PKD1: variants seen among roughly 807,000 people sequenced by gnomAD.
The protein encoded by PKD1 is polycystin-1.
Under a neutral mutation model 361.7 loss-of-function variants are expected in PKD1, and 81 were observed. The observed-to-expected ratio is 0.22, with a 90% confidence interval of 0.19 to 0.27. The LOEUF (loss-of-function observed/expected upper bound fraction) is 0.27. Among genes scored for constraint, PKD1 ranks in the 10% least tolerant of loss-of-function variants. The probability of loss-of-function intolerance (pLI) is 1.00; values close to 1 mark genes in which losing one functional copy is unlikely to be tolerated. For missense variants in PKD1, 6,399 were observed against 6,118.3 expected, an observed-to-expected ratio of 1.05 and a Z score of -1.53; for synonymous variants, 3,615 against 2,818.3, an observed-to-expected ratio of 1.28 and a Z score of -8.95.
In PKD1 at chr16:2,090,897, AG is replaced by A; in HGVS notation, c.11989del (p.Leu3997CysfsTer42). 6.2e-7 allele frequency: 1 copy of A among 1,600,612 alleles called. No individual in the cohort carries two copies. ...CCCAGCCCTCACCTTGACCAAAAGC[AG>A]GAAGAGCAGCGAGGCCGCCAGGCCA... Reference protein sequence around the residue: ...ARGLAASLLFLLLVKAAQQLR... With the variant: ...ARGLAASLLFXLLVKAAQQLR... On this transcript the variant is annotated frameshift_variant, in exon 43 of 46. Coordinates refer to ENST00000262304, the MANE Select transcript of PKD1 (RefSeq NM_001009944.3). LOFTEE classifies it high-confidence loss of function.
chr16:2,103,757 C>T lies in PKD1; in HGVS notation c.8300G>A (p.Arg2767His), dbSNP rs770080914. 1.2e-5 allele frequency: 20 copies of T among 1,609,700 alleles called. No homozygotes were observed. Among genetic ancestry groups the T allele is most frequent in the East Asian group, 2.2e-5 (1 of 44,724 alleles). The stretch of plus-strand genomic sequence containing the variant: ...CGTCAGGGGCTCCTCGTTGAGCACG[C>T]GGGAGCGCATGAGGATGCGCATGAG... ...SALMRILMRSRVLNEEPLTLA... is the reference protein window; with the variant it reads ...SALMRILMRSHVLNEEPLTLA... Residue 2767 changes from arginine to histidine, a missense_variant, in exon 23 of 46, where the codon CGC becomes CAC. Coordinates refer to ENST00000262304, the MANE Select transcript of PKD1 (RefSeq NM_001009944.3).
Position 2,115,463 on chromosome 16 carries a change from G to A in PKD1, c.2012C>T (p.Ser671Leu), listed in dbSNP as rs779227133. ...HPQACANGCT[S>L]GPGLPGAPYA... Reference sequence around the variant, plus strand: ...GGGGGCCCCGGGTAGCCCTGGCCCTGACGTGCAGCCATTGGCGCAGGCCTG... The same window carrying A: ...GGGGGCCCCGGGTAGCCCTGGCCCTAACGTGCAGCCATTGGCGCAGGCCTG... The change falls in exon 10 of 46, where the codon TCA (serine) becomes TTA (leucine). Residue 671 changes from serine to leucine, a missense_variant. Physicochemically the swap from Ser to Leu is moderately radical, Grantham distance 145. Coordinates refer to ENST00000262304, the MANE Select transcript of PKD1 (RefSeq NM_001009944.3). The A allele has an allele frequency of 1.1e-5, 18 of 1,600,850 alleles. No individual in the cohort carries two copies. Among genetic ancestry groups the A allele is most frequent in the Non-Finnish European group, 1.4e-5 (16 of 1,175,292 alleles).
rs763337298 is a variant in PKD1, at chr16:2,109,366, G to A, written c.5801C>T (p.Pro1934Leu). 4 of 1,593,048 alleles carry A rather than the reference G, an allele frequency of 2.5e-6. No homozygotes were observed. Among genetic ancestry groups the A allele is most frequent in the African/African-American group, 2.7e-5 (2 of 74,752 alleles). The change falls in exon 15 of 46, where the codon CCC (proline) becomes CTC (leucine). Residue 1934 changes from proline (P) to leucine (L), a missense_variant. By Grantham distance (98) the Pro-to-Leu change is moderately conservative (BLOSUM62 -3). Transcript: ENST00000262304. Reference sequence around the variant, plus strand: ...GCGGGGGAAGCTGTGGGAGAAACGGGGCCCGGGGAGCACCTCGGGGTTGGC... The same window carrying A: ...GCGGGGGAAGCTGTGGGAGAAACGGAGCCCGGGGAGCACCTCGGGGTTGGC... ...GGANPEVLPG[P>L]RFSHSFPRVG...
Position 2,111,233 on chromosome 16 carries a change from G to T in PKD1, c.3934C>A (p.Arg1312=). Residue 1312 remains arginine, a synonymous_variant, in exon 15 of 46, where the codon CGG becomes AGG. Transcript: ENST00000262304. ...AACIPTQPDA[R]LTAYVTGNPA... Reference sequence around the variant, plus strand: ...TTCCCGGTGACGTAGGCCGTGAGCCGCGCGTCAGGCTGCGTGGGGATGCAG... The same window carrying T: ...TTCCCGGTGACGTAGGCCGTGAGCCTCGCGTCAGGCTGCGTGGGGATGCAG... The T allele has an allele frequency of 6.2e-7, 1 of 1,610,864 alleles. No individual in the cohort carries two copies. The highest frequency in any genetic ancestry group is 8.5e-7 in the Non-Finnish European group (1 of 1,179,602).
At chr16:2,095,233 C>CCT (rs1285855242) in intron 34 of PKD1, 1 of 152,052 alleles carries the variant, frequency 6.6e-6, no homozygotes, top group East Asian at 1.9e-4. Context: ...GATGGTGAAA[C>CCT]CTCCTCTCTA....
chr16:2,096,163 G>A (rs1357401734), intron 34 of PKD1, among the ~76,000 whole-genome samples: 1 of 152,256 alleles, frequency 6.6e-6, no homozygotes, highest in African/African-American at 2.4e-5. Context: ...TGCGTCATTA[G>A]GTAATTCTGT....
At position 2,106,847 on chromosome 16, in the gene PKD1, C is replaced by T. The variant is rs1198771272; in HGVS notation, c.7167G>A (p.Leu2389=). 1.9e-6 allele frequency: 3 copies of T among 1,554,282 alleles called. No homozygotes were observed. Among genetic ancestry groups the T allele is most frequent in the East Asian group, 2.2e-5 (1 of 44,842 alleles). Residue 2389 remains leucine, a synonymous_variant, in exon 17 of 46, where the codon TTG becomes TTA. Transcript: ENST00000262304. The surrounding 1 kb of genome is among the most constrained non-coding windows in gnomAD (Gnocchi z 6.5). ...YEVSRSSYVY[L]EGRCLNCSSG... is the part of the protein sequence containing the mutation. The stretch of plus-strand genomic sequence containing the variant: ...TGCTGCAATTGAGGCAGCGGCCCTC[C>T]AAGTACACGTAGGAGCTGCGGCTCA...
chr16:2,115,503 C>T lies in PKD1; in HGVS notation c.1972G>A (p.Ala658Thr), dbSNP rs766969740. Reference sequence around the variant, plus strand: ...GCGCAGGCCTGGGGGTGGCAGGAGGCGTCCAGCGGCAAGCAGATGTTGGCT... The same window carrying T: ...GCGCAGGCCTGGGGGTGGCAGGAGGTGTCCAGCGGCAAGCAGATGTTGGCT... ...PGANICLPLD[A>T]SCHPQACANG... The change falls in exon 10 of 46, where the codon GCC (alanine) becomes ACC (threonine). Residue 658 changes from alanine (A) to threonine (T), a missense_variant. Physicochemically the swap from Ala to Thr is moderately conservative, Grantham distance 58. Transcript: ENST00000262304. The T allele has an allele frequency of 1.8e-5, 29 of 1,600,144 alleles. No homozygotes were observed. Among genetic ancestry groups the T allele is most frequent in the East Asian group, 4.5e-5 (2 of 44,366 alleles).
chr16:2,092,646 A>G (rs2091650259), intron 38 of PKD1, 54 bp from the exon 39 acceptor site: 1 of 1,270,864 alleles, frequency 7.9e-7, no homozygotes, highest in South Asian at 1.2e-5. Flanking sequence ...GCCCGCCTCG[A>G]GTGAGCGGCC....
chr16:2,101,967 T>C (rs2092115050), intron 26 of PKD1, 94 bp downstream of exon 26: 2 of 782,002 alleles, frequency 2.6e-6, no homozygotes, highest in Admixed American at 2.0e-5. Context: ...AACTGCCTTG[T>C]TCTGACGCCT....
rs149295739 is a variant in PKD1, at chr16:2,110,863, T to C, written c.4304A>G (p.Tyr1435Cys). 8.7e-6 allele frequency: 14 copies of C among 1,611,626 alleles called. No homozygotes were observed. The highest frequency in any genetic ancestry group is 4.4e-5 in the South Asian group (4 of 91,026). ...RARGPEVTFI[Y>C]RDPGSYLVTV... ...CACAAGATAGGAGCCTGGGTCTCGG[T>C]AGATGAACGTCACCTCAGGGCCCCT... is the stretch of plus-strand genomic sequence containing the variant. The change falls in exon 15 of 46, where the codon TAC (tyrosine) becomes TGC (cysteine). Residue 1435 changes from tyrosine (Y) to cysteine (C), a missense_variant. By Grantham distance (194) the Tyr-to-Cys change is radical (BLOSUM62 -2). Transcript: ENST00000262304.
In PKD1 at chr16:2,092,204, C is replaced by G. The variant is rs573110219; in HGVS notation, c.11270-16G>C. On this transcript the variant is annotated splice_polypyrimidine_tract_variant and intron_variant, in intron 39 of 45. Transcript: ENST00000262304. Reference sequence around the variant, plus strand: ...GGGTAGAGTGCTGAAACACACAGAGCCCCAGGCCGGGGCCAGGGCCTCATC... The same window carrying G: ...GGGTAGAGTGCTGAAACACACAGAGGCCCAGGCCGGGGCCAGGGCCTCATC... 6.3e-7 allele frequency: 1 copy of G among 1,578,838 alleles called. No individual in the cohort carries two copies.
At chr16:2,092,334 C>G (rs1334708160) in intron 39 of PKD1, 146 bp from the exon 40 acceptor site, 5 of 1,004,946 alleles carry the variant, frequency 5.0e-6, no homozygotes, top group Non-Finnish European at 7.4e-6. Context: ...ACGTTACCAT[C>G]TCTCATATAC....
Position 2,091,510 on chromosome 16 carries a change from C to G in PKD1, c.11625G>C (p.Ala3875=). The G allele has an allele frequency of 1.4e-6, 2 of 1,443,928 alleles. No homozygotes were observed. Among genetic ancestry groups the G allele is most frequent in the Non-Finnish European group, 1.8e-6 (2 of 1,108,878 alleles). The allele number at this position is 1,443,928 out of a possible 1,614,324, so 89.4% of individuals were successfully genotyped here. A position where few individuals can be genotyped will look rare whatever the true frequency, so the allele number is the denominator to read the frequency against. The change falls in exon 42 of 46, where the codon GCG becomes GCC. Residue 3875 remains alanine, a synonymous_variant. Transcript: ENST00000262304. ...TGAGGGCGGCCAGGGCGCGGCCGGCCGCCGGGAACTCGAGGCGCAGCGTGA... is the reference window on the plus strand; with the variant it reads ...TGAGGGCGGCCAGGGCGCGGCCGGCGGCCGGGAACTCGAGGCGCAGCGTGA... ...AAVTLRLEFP[A]AGRALAALSV...
chr16:2,119,007 G>A (rs1192681241), intron 3 of PKD1, 107 bp downstream of exon 3: 38 of 916,038 alleles, frequency 4.1e-5, no homozygotes, highest in Admixed American at 2.6e-4. Flanking sequence ...ACTGCCCCCA[G>A]GATCTGGTCT....
rs372167915 is a variant in PKD1 at position 2,114,598 on chromosome 16, G to C, written c.2425C>G (p.His809Asp). 6.3e-7 allele frequency: 1 copy of C among 1,588,622 alleles called. No homozygotes were observed. Among genetic ancestry groups the C allele is most frequent in the South Asian group, 1.1e-5 (1 of 89,800 alleles). The stretch of plus-strand genomic sequence containing the variant: ...ACGTCAAAGCTGCAGGAGAGGTTGT[G>C]CCTGGACACGCCATTGCCCACCTCT... ...RAEVGNGVSR[H>D]NLSCSFDVVS... is the part of the protein sequence containing the mutation. The change falls in exon 11 of 46, where the codon CAC becomes GAC. Residue 809 changes from histidine (H) to aspartate (D), a missense_variant. Transcript: ENST00000262304.
At position 2,115,590 on chromosome 16, in the gene PKD1, A is replaced by T; in HGVS notation, c.1885T>A (p.Ser629Thr). 1 of 1,595,484 alleles carries T rather than the reference A, an allele frequency of 6.3e-7. No homozygotes were observed. Among genetic ancestry groups the T allele is most frequent in the East Asian group, 2.2e-5 (1 of 44,652 alleles). The change falls in exon 10 of 46, where the codon TCC (serine) becomes ACC (threonine). Residue 629 changes from serine to threonine, a missense_variant. Ser to Thr is a moderately conservative substitution (Grantham distance 58, BLOSUM62 1). Coordinates refer to ENST00000262304, the MANE Select transcript of PKD1 (RefSeq NM_001009944.3). ...PENGSEPESRSPDNRTQLAPA... is the reference protein window; with the variant it reads ...PENGSEPESRTPDNRTQLAPA... ...GCCAGCTGGGTCCTGTTGTCCGGGGACCTGCTCTCAGGCTCGCTGCCGTTC... is the reference window on the plus strand; with the variant it reads ...GCCAGCTGGGTCCTGTTGTCCGGGGTCCTGCTCTCAGGCTCGCTGCCGTTC...
At position 2,118,933 on chromosome 16, in the gene PKD1, C is replaced by A. The variant is rs1350641852; in HGVS notation, c.360-88G>T. ...ACTGGCAACCAGGCCCTGGAGCCAC[C>A]CTGACAGCACCGCCTCCCCTGCCCC... On this transcript the variant is annotated intron_variant, in intron 3 of 45. Coordinates refer to ENST00000262304, the MANE Select transcript of PKD1 (RefSeq NM_001009944.3). The surrounding 1 kb of genome is among the most constrained non-coding windows in gnomAD (Gnocchi z 6.0). 8.7e-6 allele frequency: 6 copies of A among 689,704 alleles called. No individual in the cohort carries two copies. The East Asian group carries it at 1.6e-4, about 19-fold the overall frequency. 42.7% of individuals were successfully genotyped at this position (689,704 alleles called of 1,614,324 possible). A position where few individuals can be genotyped will look rare whatever the true frequency, so the allele number is the denominator to read the frequency against.
rs2091638120 is a variant in PKD1, at chr16:2,092,421, A to G, written c.11269+59T>C. 7 of 1,232,576 alleles carry G rather than the reference A, an allele frequency of 5.7e-6. No homozygotes were observed. In the South Asian group the frequency reaches 8.6e-5, roughly 15 times the overall value. 76.4% of individuals were successfully genotyped at this position (1,232,576 alleles called of 1,614,324 possible). ...AGGGCTGATGCCAGAGCTCCGCTAA[A>G]GGCTGCTCTCTCAACAAGAGGAACG... On this transcript the variant is annotated intron_variant, in intron 39 of 45. Coordinates refer to ENST00000262304, the MANE Select transcript of PKD1 (RefSeq NM_001009944.3).
Sources: gnomAD v4.1 joint callset for allele counts (sites outside exome capture counted in the v4.1 genomes callset) on GRCh38, gnomAD v4.1.1 for gene constraint, Gnocchi (gnomAD v3.1) non-coding constraint, MANE v1.5 for transcripts, NCBI Gene and HGNC (gene_info 2026-07-23, HGNC 2026-07-21) for gene names.